PSMA5: variants seen among roughly 807,000 people sequenced by gnomAD.
The protein encoded by PSMA5 is proteasome subunit alpha type-5.
Under a neutral mutation model 34.5 loss-of-function variants are expected in PSMA5, and 3 were observed. The observed-to-expected ratio is 0.09, with a 90% CI of 0.04 to 0.22. PSMA5 has a LOEUF of 0.22. Among genes scored for constraint, PSMA5 ranks in the 10% least tolerant of loss-of-function variants. The probability of loss-of-function intolerance (pLI) is 1.00; values close to 1 mark genes in which losing one functional copy is unlikely to be tolerated. For missense variants in PSMA5, 120 were observed against 286.1 expected, an observed-to-expected ratio of 0.42 and a Z score of 4.19; for synonymous variants, 88 against 95.8, an observed-to-expected ratio of 0.92 and a Z score of 0.47.
intron 2 of PSMA5, among the ~76,000 whole-genome samples, chr1:109,419,217 G>A (rs964398865): frequency 2.6e-5 from 4 of 152,118 alleles, no homozygotes; most frequent in African/African-American, 9.7e-5. Flanking sequence ...ACCAAATTGA[G>A]CAAATAAATC....
chr1:109,401,964 A>G lies in PSMA5; in HGVS notation c.*49T>C, dbSNP rs1653549670. On this transcript the variant is annotated 3_prime_UTR_variant, in exon 9 of 9. Transcript: ENST00000271308. Reference sequence around the variant, plus strand: ...GGAGCTGGAAATAAAATTTAAGGACATTATTAGAACTGAAATTGTCCCAGA... The same window carrying G: ...GGAGCTGGAAATAAAATTTAAGGACGTTATTAGAACTGAAATTGTCCCAGA... 2 of 1,405,772 alleles carry G rather than the reference A, an allele frequency of 1.4e-6. No individual in the cohort carries two copies. Among genetic ancestry groups the G allele is most frequent in the African/African-American group, 1.4e-5 (1 of 69,626 alleles). 87.1% of individuals were successfully genotyped at this position (1,405,772 alleles called of 1,614,324 possible).
chr1:109,423,242 C>A (rs541616419), intron 1 of PSMA5, among the ~76,000 whole-genome samples: 16 of 152,230 alleles, frequency 1.1e-4, no homozygotes, highest in African/African-American at 3.6e-4. Context: ...AGTTCGAGAC[C>A]AGGCTGGCCA....
intron 2 of PSMA5, among the ~76,000 whole-genome samples, chr1:109,418,455 A>G (rs1199030285): frequency 6.6e-6 from 1 of 152,164 alleles, no homozygotes; most frequent in Non-Finnish European, 1.5e-5. Flanking sequence ...AGCTAAGACT[A>G]CAGGTGTACA....
In PSMA5 at chr1:109,401,989, A is replaced by G; in HGVS notation, c.*24T>C. On this transcript the variant is annotated 3_prime_UTR_variant, in exon 9 of 9. Coordinates refer to ENST00000271308, the MANE Select transcript of PSMA5 (RefSeq NM_002790.4). Reference sequence around the variant, plus strand: ...ATTATTAGAACTGAAATTGTCCCAGAGAAGTTCTGAGGATCAGGATTCCTT... The same window carrying G: ...ATTATTAGAACTGAAATTGTCCCAGGGAAGTTCTGAGGATCAGGATTCCTT... 1 of 1,543,898 alleles carries G rather than the reference A, an allele frequency of 6.5e-7. No individual in the cohort carries two copies. Among genetic ancestry groups the G allele is most frequent in the African/African-American group, 1.4e-5 (1 of 73,044 alleles).
intron 2 of PSMA5, among the ~76,000 whole-genome samples, chr1:109,419,686 C>A (rs1215254476): frequency 6.6e-6 from 1 of 151,064 alleles, no homozygotes; most frequent in Non-Finnish European, 1.5e-5. Context: ...GTAATCCCAG[C>A]TATTCAGGAG....
At chr1:109,419,766 T>C (rs1403553024) in intron 2 of PSMA5, among the ~76,000 whole-genome samples, 2 of 129,556 alleles carry the variant, frequency 1.5e-5, no homozygotes, top group Non-Finnish European at 3.0e-5. Flanking sequence ...GCCACTGCAC[T>C]CCAGCCTGGG....
rs577118953 is a variant in PSMA5 at position 109,407,107 on chromosome 1, T to C, written c.648+2821A>G. Among the ~76,000 whole-genome samples, 8 of 152,196 alleles carry C rather than the reference T, an allele frequency of 5.3e-5. No individual in the cohort carries two copies. In the East Asian group the frequency reaches 1.5e-3, roughly 29 times the overall value. On this transcript the variant is annotated intron_variant, in intron 8 of 8. Coordinates refer to ENST00000271308, the MANE Select transcript of PSMA5 (RefSeq NM_002790.4). Reference sequence around the variant, plus strand: ...GGTTCACACTTCTCCTGCCTCAGCCTCTGGAGTAGCTGGGACTATAGGCGC... The same window carrying C: ...GGTTCACACTTCTCCTGCCTCAGCCCCTGGAGTAGCTGGGACTATAGGCGC...
chr1:109,413,712 C>CT (rs1654091121), intron 3 of PSMA5, among the ~76,000 whole-genome samples: 1 of 152,184 alleles, frequency 6.6e-6, no homozygotes, highest in Non-Finnish European at 1.5e-5. Flanking sequence ...AAGTTTCAGA[C>CT]ATATAAAGCC....
At chr1:109,414,584 T>C (rs1654121206) in intron 3 of PSMA5, among the ~76,000 whole-genome samples, 1 of 152,210 alleles carries the variant, frequency 6.6e-6, no homozygotes, top group African/African-American at 2.4e-5. Flanking sequence ...ACCAAGTGAC[T>C]TGAGTTAAAG....
At chr1:109,420,283 G>T (rs1654388051) in intron 2 of PSMA5, among the ~76,000 whole-genome samples, 1 of 152,102 alleles carries the variant, frequency 6.6e-6, no homozygotes, top group South Asian at 2.1e-4. Context: ...CCCCACCTCA[G>T]AAGACAATTG....
At chr1:109,422,287 C>G (rs932435914) in intron 1 of PSMA5, among the ~76,000 whole-genome samples, 3 of 152,148 alleles carry the variant, frequency 2.0e-5, no homozygotes, top group Admixed American at 2.0e-4. Flanking sequence ...AGAAAATGTG[C>G]ATTTTTCCTT....
chr1:109,406,213 T>G (rs1214420105), intron 8 of PSMA5, among the ~76,000 whole-genome samples: 1 of 152,136 alleles, frequency 6.6e-6, no homozygotes, highest in East Asian at 1.9e-4. Context: ...CAAGGAGCAG[T>G]CTCATGGAAA....
rs1275593082 is a variant in PSMA5 at position 109,399,717 on chromosome 1, C to T, written c.*2296G>A. 1 of 152,190 alleles carries T rather than the reference C, an allele frequency of 6.6e-6. No homozygotes were observed. The highest frequency in any genetic ancestry group is 1.5e-5 in the Non-Finnish European group (1 of 68,042). 9.4% of individuals were successfully genotyped at this position (152,190 alleles called of 1,614,324 possible). On this transcript the variant is annotated 3_prime_UTR_variant, in exon 9 of 9. Transcript: ENST00000271308. ...TCAGCTTCTGGGACATGGTAACTTGCATATGGCACTGAGAAAATGTTTGAG... is the reference window on the plus strand; with the variant it reads ...TCAGCTTCTGGGACATGGTAACTTGTATATGGCACTGAGAAAATGTTTGAG...
At chr1:109,408,715 G>C (rs1400271193) in intron 8 of PSMA5, among the ~76,000 whole-genome samples, 6 of 151,246 alleles carry the variant, frequency 4.0e-5, no homozygotes, top group Non-Finnish European at 8.8e-5. Context: ...TTTCGGGACG[G>C]AGTCTCGTTC....
At chr1:109,417,228 C>T (rs1654244146) in intron 2 of PSMA5, among the ~76,000 whole-genome samples, 1 of 152,278 alleles carries the variant, frequency 6.6e-6, no homozygotes, top group Admixed American at 6.5e-5. Context: ...TCTAAAAAGG[C>T]ATAAATCCAC....
chr1:109,425,532 A>C (rs1374055385), intron 1 of PSMA5: 1 of 152,242 alleles, frequency 6.6e-6, no homozygotes, highest in African/African-American at 2.4e-5. Context: ...CAGGAAATGC[A>C]GCATCTCATA....
At chr1:109,409,286 A>G (rs1206481530) in intron 8 of PSMA5, among the ~76,000 whole-genome samples, 1 of 152,172 alleles carries the variant, frequency 6.6e-6, no homozygotes, top group Non-Finnish European at 1.5e-5. Context: ...CCTCCCGAGT[A>G]GCTGGAACTA....
intron 8 of PSMA5, among the ~76,000 whole-genome samples, chr1:109,403,055 G>A (rs1285402493): frequency 1.3e-5 from 2 of 152,074 alleles, no homozygotes; most frequent in Admixed American, 1.3e-4. Flanking sequence ...ATTAACACTG[G>A]CATAGGAAAC....
At chr1:109,407,629 G>A (rs2100956754) in intron 8 of PSMA5, among the ~76,000 whole-genome samples, 1 of 152,050 alleles carries the variant, frequency 6.6e-6, no homozygotes, top group Middle Eastern at 3.4e-3. Flanking sequence ...GCCTTGGTTG[G>A]CCTTTAAATT....
Sources: allele counts gnomAD v4.1 joint callset (sites outside exome capture counted in the v4.1 genomes callset), GRCh38; gene constraint gnomAD v4.1.1; transcripts MANE v1.5; gene names NCBI Gene and HGNC (gene_info 2026-07-23, HGNC 2026-07-21).